Variants in ATXN1 observed in about 807,000 individuals in gnomAD.
ATXN1 encodes ataxin 1.
A neutral mutation model predicts 56.4 loss-of-function variants in ATXN1; 8 were observed. The observed-to-expected ratio is 0.14, with a 90% CI of 0.08 to 0.26. The LOEUF (loss-of-function observed/expected upper bound fraction) is 0.26. Ranked by LOEUF, ATXN1 falls within the 10% of genes least tolerant of loss-of-function variation. The pLI, the probability that ATXN1 is intolerant of heterozygous loss-of-function variation, is 1.00. For synonymous variants in ATXN1, 514 were observed against 494.6 expected (o/e 1.04, Z -0.52); for missense variants, 987 against 1,106.5 (o/e 0.89, Z 1.53).
intron 2 of ATXN1, among the ~76,000 whole-genome samples, chr6:16,712,505 G>A (rs781781140): frequency 6.6e-6 from 1 of 152,164 alleles, no homozygotes; most frequent in Non-Finnish European, 1.5e-5. Flanking sequence ...AGGAAGACAC[G>A]AGTGAACTGA....
chr6:16,536,874 G>T (rs977768444), intron 4 of ATXN1, among the ~76,000 whole-genome samples: 1 of 152,140 alleles, frequency 6.6e-6, no homozygotes, highest in Non-Finnish European at 1.5e-5. Flanking sequence ...ATGGATTTCA[G>T]CACTGGTACT....
At chr6:16,361,954 T>A (rs980590274) in intron 6 of ATXN1, among the ~76,000 whole-genome samples, 1 of 152,174 alleles carries the variant, frequency 6.6e-6, no homozygotes, top group Non-Finnish European at 1.5e-5. Flanking sequence ...TCTGGTGAAA[T>A]TGGGGGACTC....
chr6:16,502,183 A>G (rs1473137202), intron 5 of ATXN1, among the ~76,000 whole-genome samples: 1 of 152,194 alleles, frequency 6.6e-6, no homozygotes, highest in Admixed American at 6.5e-5. Flanking sequence ...ACTCTTCAAA[A>G]TCATTCTCAG....
intron 6 of ATXN1, among the ~76,000 whole-genome samples, chr6:16,403,804 G>A (rs12193455): frequency 0.072 from 10,938 of 152,164 alleles, 426 homozygotes; most frequent in Middle Eastern, 0.14. Flanking sequence ...TCTATAGGTT[G>A]TGGGGCTGCA....
chr6:16,626,214 A>G (rs1763403751), intron 3 of ATXN1, among the ~76,000 whole-genome samples: 1 of 152,252 alleles, frequency 6.6e-6, no homozygotes, highest in Non-Finnish European at 1.5e-5. Flanking sequence ...TTAACATCTG[A>G]AAAGGCTATT....
At chr6:16,637,492 T>A (rs1394985723) in intron 3 of ATXN1, among the ~76,000 whole-genome samples, 1 of 151,262 alleles carries the variant, frequency 6.6e-6, no homozygotes, top group East Asian at 1.9e-4. Context: ...ACTTAAAGTA[T>A]AATAAAAAAT....
At chr6:16,595,260 C>G (rs1762794628) in intron 3 of ATXN1, among the ~76,000 whole-genome samples, 1 of 152,192 alleles carries the variant, frequency 6.6e-6, no homozygotes, top group South Asian at 2.1e-4. Context: ...TTTTGCCAGA[C>G]TTAGGCTTAA....
chr6:16,581,224 T>TGC (rs753280309), intron 4 of ATXN1, among the ~76,000 whole-genome samples: 5 of 114,528 alleles, frequency 4.4e-5, no homozygotes, highest in African/African-American at 7.6e-5. Flanking sequence ...TGTGTGTGTG[T>TGC]GCGCGCGTGT....
At chr6:16,670,691 T>C (rs1490769578) in intron 2 of ATXN1, among the ~76,000 whole-genome samples, 1 of 152,214 alleles carries the variant, frequency 6.6e-6, no homozygotes, top group Non-Finnish European at 1.5e-5. Flanking sequence ...CATTGATGCA[T>C]TTCATTACTG....
chr6:16,676,822 TG>T (rs1758670261), intron 2 of ATXN1, among the ~76,000 whole-genome samples: 1 of 152,178 alleles, frequency 6.6e-6, no homozygotes, highest in Admixed American at 6.5e-5. Flanking sequence ...ACCTCTACTC[TG>T]GAATGTTCAA....
chr6:16,760,307 G>A lies in ATXN1; in HGVS notation c.-730+991C>T, dbSNP rs962355799. 9.2e-5 allele frequency among the ~76,000 whole-genome samples: 14 copies of A among 151,922 alleles called. No homozygotes were observed. The highest frequency in any genetic ancestry group is 7.9e-4 in the Admixed American group (12 of 15,272). On this transcript the variant is annotated intron_variant, in intron 1 of 7. Transcript: ENST00000436367. This position sits in a 1 kb window ranked among gnomAD's most constrained non-coding sequence, Gnocchi z 5.3. ...TCACCCTCCCAGCAGCCGCGCAGCCGTTCACTCCCGGCTCAGGGCAGCGCC... is the reference window on the plus strand; with the variant it reads ...TCACCCTCCCAGCAGCCGCGCAGCCATTCACTCCCGGCTCAGGGCAGCGCC...
At chr6:16,476,937 C>A (rs1003389040) in intron 6 of ATXN1, among the ~76,000 whole-genome samples, 1 of 152,178 alleles carries the variant, frequency 6.6e-6, no homozygotes, top group African/African-American at 2.4e-5. Flanking sequence ...CAGTTTCATG[C>A]AATTATCTCG....
chr6:16,648,492 A>C (rs1308717829), intron 3 of ATXN1, among the ~76,000 whole-genome samples: 1 of 152,212 alleles, frequency 6.6e-6, no homozygotes, highest in East Asian at 1.9e-4. Context: ...GTCACCAAAA[A>C]AGTTTGCAAC....
At chr6:16,740,588 A>AAAAGCTC (rs1257403677) in intron 2 of ATXN1, among the ~76,000 whole-genome samples, 1 of 152,230 alleles carries the variant, frequency 6.6e-6, no homozygotes, top group Non-Finnish European at 1.5e-5. Flanking sequence ...ATACACCTCA[A>AAAAGCTC]AAAGCTCAAC....
At chr6:16,338,275 C>G (rs1032493885) in intron 6 of ATXN1, among the ~76,000 whole-genome samples, 4 of 151,978 alleles carry the variant, frequency 2.6e-5, no homozygotes, top group African/African-American at 9.7e-5. Flanking sequence ...GGGCGGATTG[C>G]GAGGTCAGGA....
At chr6:16,362,730 T>C (rs1254193739) in intron 6 of ATXN1, among the ~76,000 whole-genome samples, 2 of 84,788 alleles carry the variant, frequency 2.4e-5, no homozygotes, top group Non-Finnish European at 6.2e-5. Flanking sequence ...TTGCTTGTAC[T>C]GTAAAAGGTT....
In ATXN1 at chr6:16,368,333, A is replaced by ACTT. The variant is rs1250696683; in HGVS notation, c.-160-39866_-160-39864dup. The stretch of plus-strand genomic sequence containing the variant: ...AATAAATGTCTATTTCTTTGGCTTG[A>ACTT]CTTCTTCTTCTTTTTTTTTTTTTTT... On this transcript the variant is annotated intron_variant, in intron 6 of 7. Coordinates refer to ENST00000436367, the MANE Select transcript of ATXN1 (RefSeq NM_001128164.2). 1.1e-3 allele frequency among the ~76,000 whole-genome samples: 139 copies of ACTT among 130,618 alleles called. 5 individuals carry two copies. The highest frequency in any genetic ancestry group is 4.5e-3 in the African/African-American group (136 of 30,076). The allele number at this position is 130,618 out of a possible 152,430, so 85.7% of individuals were successfully genotyped here.
At chr6:16,323,784 C>G (rs1428212147) in intron 7 of ATXN1, among the ~76,000 whole-genome samples, 1 of 152,132 alleles carries the variant, frequency 6.6e-6, no homozygotes, top group Admixed American at 6.5e-5. Context: ...CCATGTGTCA[C>G]CTGGGGTCTG....
At chr6:16,660,435 C>G (rs536548771) in intron 2 of ATXN1, among the ~76,000 whole-genome samples, 1 of 152,256 alleles carries the variant, frequency 6.6e-6, no homozygotes, top group East Asian at 1.9e-4. Flanking sequence ...CAGTTATAAG[C>G]AACAGCAGCA....
Sources: gnomAD v4.1 joint callset for allele counts (sites outside exome capture counted in the v4.1 genomes callset) on GRCh38, gnomAD v4.1.1 for gene constraint, Gnocchi (gnomAD v3.1) non-coding constraint, MANE v1.5 for transcripts, NCBI Gene and HGNC (gene_info 2026-07-23, HGNC 2026-07-21) for gene names.